Variants in CUL4B observed in about 807,000 individuals in gnomAD.
CUL4B encodes cullin 4B.
A neutral mutation model predicts 69.2 loss-of-function variants in CUL4B; 1 was observed. The ratio of observed to expected loss-of-function variants is 0.01; its 90% CI spans 0.01 to 0.07. CUL4B has a LOEUF of 0.07. Among genes scored for constraint, CUL4B ranks in the 10% least tolerant of loss-of-function variants. The pLI, the probability that CUL4B is intolerant of heterozygous loss-of-function variation, is 1.00. For missense variants in CUL4B, 328 were observed against 638.8 expected, an observed-to-expected ratio of 0.51 and a Z score of 5.24; for synonymous variants, 237 against 223.2, an observed-to-expected ratio of 1.06 and a Z score of -0.55.
rs1922896149 is a variant in CUL4B, at chrX:120,525,106, A to G, written c.*1655T>C. The G allele has an allele frequency of 8.9e-6, 1 of 112,261 alleles. No individual in the cohort carries two copies. Among genetic ancestry groups the G allele is most frequent in the South Asian group, 3.7e-4 (1 of 2,725 alleles). The allele number at this position is 112,261 out of a possible 1,213,427, so 9.3% of individuals were successfully genotyped here. On this transcript the variant is annotated 3_prime_UTR_variant, in exon 20 of 20. Transcript: ENST00000371322. The stretch of plus-strand genomic sequence containing the variant: ...AGAAAATATAGGCAATGGCTGCTCA[A>G]TAAGAATTACAAGTTCCGAATACCA...
chrX:120,557,056 C>A (rs775588619), intron 2 of CUL4B, among the ~76,000 whole-genome samples: 1 of 110,011 alleles, frequency 9.1e-6, no homozygotes, highest in South Asian at 3.9e-4. Context: ...GGATTACAGG[C>A]ATGCACCACA....
upstream of CUL4B, among the ~76,000 whole-genome samples, chrX:120,566,361 A>ATG (rs1407884165): frequency 6.2e-4 from 34 of 55,102 alleles, 1 homozygote; most frequent in African/African-American, 1.8e-3. Flanking sequence ...ATATATATAT[A>ATG]TATATATATA....
At chrX:120,539,529 G>A (rs907850652) in intron 11 of CUL4B, among the ~76,000 whole-genome samples, 157 bp from the exon 12 acceptor site, 2 of 111,873 alleles carry the variant, frequency 1.8e-5, no homozygotes, top group African/African-American at 6.5e-5. Context: ...AAGATCAACT[G>A]ACTTGTTCAG....
chrX:120,530,013 G>T, intron 19 of CUL4B, 89 bp downstream of exon 19: 1 of 963,945 alleles, frequency 1.0e-6, no homozygotes, highest in Non-Finnish European at 1.5e-6. Flanking sequence ...TGGTCATGAC[G>T]CTTTATGTTT....
Position 120,524,117 on chromosome X carries a change from G to A in CUL4B, c.*2644C>T, listed in dbSNP as rs1212785986. Among the ~76,000 whole-genome samples the A allele has an allele frequency of 9.0e-6, 1 of 111,347 alleles. No individual in the cohort carries two copies. Among genetic ancestry groups the A allele is most frequent in the African/African-American group, 3.3e-5 (1 of 30,699 alleles). On this transcript the variant is annotated 3_prime_UTR_variant, in exon 20 of 20. Transcript: ENST00000371322. The stretch of plus-strand genomic sequence containing the variant: ...CTCACATACACAGCAAAAATTTCAA[G>A]AGTATGGCTAGACATCATATTAAGA...
chrX:120,541,499 CA>C (rs878901453), intron 10 of CUL4B, 102 bp downstream of exon 10: 19,554 of 452,211 alleles, frequency 0.043, no homozygotes, highest in East Asian at 0.047. Context: ...AACTCTGTCT[CA>C]AAAAAAAAAA....
upstream of CUL4B, among the ~76,000 whole-genome samples, chrX:120,566,369 A>ATATATATATATATATATG (rs1569398197): frequency 6.5e-3 from 366 of 56,463 alleles, 3 homozygotes; most frequent in African/African-American, 0.018. Flanking sequence ...ATATATATAT[A>ATATATATATATATATATG]TATATATATA....
chrX:120,544,723 T>G, intron 5 of CUL4B, 80 bp from the exon 6 acceptor site: 1 of 846,091 alleles, frequency 1.2e-6, no homozygotes, highest in Non-Finnish European at 1.8e-6. Context: ...TTACCACATG[T>G]TCCCATGCTA....
chrX:120,544,609 T>C lies in CUL4B; in HGVS notation c.955A>G (p.Ile319Val), dbSNP rs1406854879. 1 of 1,209,419 alleles carries C rather than the reference T, an allele frequency of 8.3e-7. No individual in the cohort carries two copies. Among genetic ancestry groups the C allele is most frequent in the South Asian group, 1.8e-5 (1 of 56,949 alleles). ...TTATTCTGCACTTTCTGATCACTTA[T>C]AATATGAGCCCTAAATAACTCCAGT... ...MGLELFRAHIISDQKVQNKTI... is the reference protein window; with the variant it reads ...MGLELFRAHIVSDQKVQNKTI... Residue 319 changes from isoleucine (I) to valine (V), a missense_variant, in exon 6 of 20, where the codon ATA (isoleucine) becomes GTA (valine). Ile to Val is a conservative substitution (Grantham distance 29). Transcript: ENST00000371322.
In CUL4B at chrX:120,530,188, T is replaced by A; in HGVS notation, c.2506A>T (p.Ile836Phe). The change falls in exon 19 of 20, where the codon ATT (isoleucine) becomes TTT (phenylalanine). Residue 836 changes from isoleucine (I) to phenylalanine (F), a missense_variant. Ile to Phe is a conservative substitution (Grantham distance 21). This residue lies in a region of CUL4B where 98 missense variants were observed against 296.8 expected (regional missense o/e 0.33). Transcript: ENST00000371322. ...TTTCTCATCTTCATAATTCGAACAA[T>A]TGCAGCATCAATTTGATACTGTCTG... Reference protein sequence around the residue: ...QDRQYQIDAAIVRIMKMRKTL... With the variant: ...QDRQYQIDAAFVRIMKMRKTL... The A allele has an allele frequency of 8.3e-7, 1 of 1,207,739 alleles. No individual in the cohort carries two copies. Among genetic ancestry groups the A allele is most frequent in the Non-Finnish European group, 1.1e-6 (1 of 891,952 alleles).
intron 2 of CUL4B, among the ~76,000 whole-genome samples, chrX:120,552,390 C>T (rs577098918): frequency 6.2e-5 from 7 of 112,615 alleles, no homozygotes; most frequent in African/African-American, 1.9e-4. Flanking sequence ...TCAGGTGATC[C>T]GCCCACCTTG....
chrX:120,575,060 T>C (rs1314856887), intron 1 of CUL4B, among the ~76,000 whole-genome samples: 2 of 112,017 alleles, frequency 1.8e-5, no homozygotes, highest in Non-Finnish European at 3.8e-5. Context: ...CTTCTGTTCC[T>C]GCCTCTTCTT....
chrX:120,561,068 A>C, upstream of CUL4B: 1 of 992,693 alleles, frequency 1.0e-6, no homozygotes, highest in African/African-American at 2.0e-5. Context: ...TATTGTCAAT[A>C]GCACAAGAGG....
At chrX:120,553,013 C>A (rs898650341) in intron 2 of CUL4B, among the ~76,000 whole-genome samples, 1 of 112,009 alleles carries the variant, frequency 8.9e-6, no homozygotes, top group Non-Finnish European at 1.9e-5. Context: ...CTTTTTACTT[C>A]CAGTAAACAG....
Position 120,545,494 on chromosome X carries a change from CA to C in CUL4B, c.869del (p.Leu290CysfsTer30). On this transcript the variant is annotated frameshift_variant, in exon 5 of 20. Transcript: ENST00000371322. LOFTEE classifies it high-confidence loss of function. ...RQMIMIRSIF[L>X]FLDRTYVLQN... ...GAAGAACGTAAGTTCTATCCAGAAA[CA>C]AAAAAATGCTCCTGATCATGATCTG... The C allele has an allele frequency of 2.6e-6, 3 of 1,169,431 alleles. No homozygotes were observed. Among genetic ancestry groups the C allele is most frequent in the Admixed American group, 4.7e-5 (2 of 42,192 alleles).
chrX:120,526,548 C>T lies in CUL4B; in HGVS notation c.*213G>A. 1 of 280,869 alleles carries T rather than the reference C, an allele frequency of 3.6e-6. No individual in the cohort carries two copies. The highest frequency in any genetic ancestry group is 4.9e-5 in the Admixed American group (1 of 20,290). 23.1% of individuals were successfully genotyped at this position (280,869 alleles called of 1,213,427 possible). Reference sequence around the variant, plus strand: ...TCTGCACATCATACTAAATAACATGCAAAGAGTTCAACAACATTCTTCTTA... The same window carrying T: ...TCTGCACATCATACTAAATAACATGTAAAGAGTTCAACAACATTCTTCTTA... On this transcript the variant is annotated 3_prime_UTR_variant, in exon 20 of 20. Coordinates refer to ENST00000371322, the MANE Select transcript of CUL4B (RefSeq NM_001079872.2).
downstream of CUL4B, among the ~76,000 whole-genome samples, chrX:120,566,952 G>A (rs1028970194): frequency 7.3e-5 from 8 of 110,134 alleles, no homozygotes; most frequent in African/African-American, 2.7e-4. Context: ...TGGAGTTGCT[G>A]GGCCTATATA....
At chrX:120,551,215 C>CT (rs1229112875) in intron 2 of CUL4B, among the ~76,000 whole-genome samples, 6 of 106,790 alleles carry the variant, frequency 5.6e-5, no homozygotes, top group South Asian at 8.1e-4. Flanking sequence ...TTTCTTTTTT[C>CT]TTTTTTTTTT....
intron 19 of CUL4B, among the ~76,000 whole-genome samples, chrX:120,527,848 C>G (rs1229978251): frequency 8.9e-6 from 1 of 112,020 alleles, no homozygotes; most frequent in African/African-American, 3.2e-5. Flanking sequence ...ACTATACATA[C>G]ATTAAACTGT....
Sources: allele counts gnomAD v4.1 joint callset (sites outside exome capture counted in the v4.1 genomes callset), GRCh38; gene constraint gnomAD v4.1.1; regional missense constraint gnomAD v4.1.1; transcripts MANE v1.5; gene names NCBI Gene and HGNC (gene_info 2026-07-23, HGNC 2026-07-21).